The following ZNF717 variants were observed in gnomAD, a reference collection of about 807,000 sequenced individuals.
ZNF717 encodes the protein zinc finger protein 717.
A neutral mutation model predicts 13.8 loss-of-function variants in ZNF717; 9 were observed. That is an observed-to-expected ratio of 0.65 (90% CI 0.39 to 1.14). ZNF717 has a LOEUF of 1.14. Among genes scored for constraint, ZNF717 ranks in the 50% most tolerant of loss-of-function variants. The pLI is 0.01. For synonymous variants in ZNF717, 327 were observed against 364.1 expected (o/e 0.90, Z 1.16); for missense variants, 1,040 against 1,080.7 (o/e 0.96, Z 0.53).
intron 6 of ZNF717, among the ~76,000 whole-genome samples, chr3:75,695,548 G>C (rs1280459168): frequency 9.9e-5 from 15 of 152,228 alleles, no homozygotes; most frequent in African/African-American, 3.6e-4. Context: ...TCAGCACATG[G>C]GTTATTCTCA....
At position 75,737,730 on chromosome 3, in the gene ZNF717, C is replaced by T. The variant is rs533309906; in HGVS notation, c.1893G>A (p.Lys631=). The part of the protein sequence containing the change: ...CNECGKTFRQ[K]SNLSTHQGTH... ...TTCCCTGATGGGTGCTGAGATTTGACTTCTGACGAAAGGTTTTTCCACATT... is the reference window on the plus strand; with the variant it reads ...TTCCCTGATGGGTGCTGAGATTTGATTTCTGACGAAAGGTTTTTCCACATT... Residue 631 remains lysine, a synonymous_variant, in exon 5 of 5, where the codon AAG becomes AAA. Transcript: ENST00000652011. 3 of 1,546,402 alleles carry T rather than the reference C, an allele frequency of 1.9e-6. No individual in the cohort carries two copies. Among genetic ancestry groups the T allele is most frequent in the East Asian group, 2.5e-5 (1 of 40,672 alleles).
At chr3:75,779,574 C>G (rs542137434) in intron 2 of ZNF717, among the ~76,000 whole-genome samples, 126 of 135,478 alleles carry the variant, frequency 9.3e-4, no homozygotes, top group African/African-American at 3.4e-3. Flanking sequence ...ACGGGAGTGA[C>G]GTGCTAAAAC....
At position 75,738,643 on chromosome 3, in the gene ZNF717, A is replaced by C. The variant is rs75467043; in HGVS notation, c.980T>G (p.Ile327Ser). ...CCCTGTGTGAATTCTCTGATGGATA[A>C]TGAGGCTGGACTTATAGCTGAACAA... ...EKLFSYKSSL[I>S]IHQRIHTGEK... Residue 327 changes from isoleucine to serine, a missense_variant, in exon 5 of 5, where the codon ATT becomes AGT. Ile to Ser is a moderately radical substitution (Grantham distance 142, BLOSUM62 -2). Around this residue, in one of 3 missense-constraint regions of ZNF717, gnomAD observed 873 missense variants for 832.8 expected, o/e 1.05. Transcript: ENST00000652011. 2 of 925,694 alleles carry C rather than the reference A, an allele frequency of 2.2e-6. No homozygotes were observed. The highest frequency in any genetic ancestry group is 6.3e-5 in the Admixed American group (2 of 31,800). The allele number at this position is 925,694 out of a possible 1,614,324, so 57.3% of individuals were successfully genotyped here. A position where few individuals can be genotyped will look rare whatever the true frequency, so the allele number is the denominator to read the frequency against.
chr3:75,713,247 CTCAAGCAA>C (rs1937981274), intron 5 of ZNF717, among the ~76,000 whole-genome samples: 2 of 152,074 alleles, frequency 1.3e-5, no homozygotes, highest in South Asian at 4.1e-4. Context: ...ACCTCCTGGG[CTCAAGCAA>C]TCCTCCCACC....
At chr3:75,780,846 A>G (rs1183169820) in intron 2 of ZNF717, among the ~76,000 whole-genome samples, 2 of 152,272 alleles carry the variant, frequency 1.3e-5, no homozygotes, top group Non-Finnish European at 2.9e-5. Flanking sequence ...AAGGAAACAC[A>G]TAAATCCTAG....
chr3:75,720,529 G>A (rs1477582669), intron 4 of ZNF717, among the ~76,000 whole-genome samples: 347 of 152,236 alleles, frequency 2.3e-3, no homozygotes, highest in Non-Finnish European at 4.2e-3. Context: ...CTTCCTATTA[G>A]GTACTATGTT....
intron 2 of ZNF717, among the ~76,000 whole-genome samples, chr3:75,773,965 C>G (rs921685926): frequency 3.9e-5 from 6 of 152,124 alleles, no homozygotes; most frequent in African/African-American, 1.4e-4. Context: ...AGGAGAATCT[C>G]TTGAACCCAG....
chr3:75,699,548 C>T (rs796746238), intron 6 of ZNF717, among the ~76,000 whole-genome samples: 18 of 152,018 alleles, frequency 1.2e-4, no homozygotes, highest in African/African-American at 4.4e-4. Flanking sequence ...GTGTGTGTAG[C>T]ACCTCCCCCC....
chr3:75,699,278 G>A, intron 6 of ZNF717, among the ~76,000 whole-genome samples: 1 of 152,308 alleles, frequency 6.6e-6, no homozygotes, highest in Non-Finnish European at 1.5e-5. Flanking sequence ...TTAAGACTTT[G>A]GGGATTATTG....
intron 2 of ZNF717, among the ~76,000 whole-genome samples, chr3:75,753,278 C>A (rs113012405): frequency 5.3e-3 from 415 of 77,836 alleles, no homozygotes; most frequent in South Asian, 0.011. Flanking sequence ...ACATAACATT[C>A]CAGCACACTG....
intron 6 of ZNF717, among the ~76,000 whole-genome samples, chr3:75,701,411 C>T (rs1484491048): frequency 2.6e-4 from 40 of 151,006 alleles, no homozygotes; most frequent in Admixed American, 8.8e-4. Flanking sequence ...TGGCTCACGC[C>T]TGTAATCTCA....
At chr3:75,698,221 C>T (rs1937626480) in intron 6 of ZNF717, among the ~76,000 whole-genome samples, 1 of 152,304 alleles carries the variant, frequency 6.6e-6, no homozygotes, top group Non-Finnish European at 1.5e-5. Context: ...AACTTTGCAG[C>T]CTAGTCATGT....
chr3:75,747,478 C>A (rs3009095), intron 2 of ZNF717, among the ~76,000 whole-genome samples: 112,395 of 151,994 alleles, frequency 0.74, 42,040 homozygotes, highest in East Asian at 0.8. Flanking sequence ...AATATTGATT[C>A]TTCCTATCCA....
chr3:75,738,211 C>A lies in ZNF717; in HGVS notation c.1412G>T (p.Arg471Ile), dbSNP rs111315075. 7,114 of 1,553,078 alleles carry A rather than the reference C, an allele frequency of 4.6e-3. 136 individuals carry two copies. In the African/African-American group the frequency reaches 0.079, roughly 17 times the overall value. Residue 471 changes from arginine (R) to isoleucine (I), a missense_variant, in exon 5 of 5, where the codon AGA (arginine) becomes ATA (isoleucine). Transcript: ENST00000652011. ...INKSNLRLHQ[R>I]THTGEKPYEC... The stretch of plus-strand genomic sequence containing the variant: ...ATAGGGTTTTTCCCCTGTGTGAGTT[C>A]TCTGATGTAACCTGAGGTTTGACTT...
chr3:75,727,072 A>C (rs1264947723), downstream of ZNF717, among the ~76,000 whole-genome samples: 1 of 152,266 alleles, frequency 6.6e-6, no homozygotes, highest in African/African-American at 2.4e-5. Context: ...TAAATTGTGA[A>C]GATTTCATGG....
At chr3:75,768,602 G>C (rs1233436602) in intron 2 of ZNF717, among the ~76,000 whole-genome samples, 2 of 143,780 alleles carry the variant, frequency 1.4e-5, no homozygotes, top group African/African-American at 5.2e-5. Flanking sequence ...CTGAGTGTGG[G>C]AGGGGGGTAG....
At chr3:75,779,746 T>A (rs1230086916) in intron 2 of ZNF717, among the ~76,000 whole-genome samples, 32 of 94,340 alleles carry the variant, frequency 3.4e-4, no homozygotes, top group Middle Eastern at 0.011. Flanking sequence ...CATGGGAGTG[T>A]CGTGCTAAAC....
downstream of ZNF717, among the ~76,000 whole-genome samples, chr3:75,728,323 C>T (rs1165753708): frequency 6.6e-6 from 1 of 152,174 alleles, no homozygotes; most frequent in Non-Finnish European, 1.5e-5. Flanking sequence ...GGTTTATTTG[C>T]CAACGTTAAG....
At chr3:75,758,196 C>A (rs1276789856) in intron 2 of ZNF717, among the ~76,000 whole-genome samples, 1 of 149,154 alleles carries the variant, frequency 6.7e-6, no homozygotes, top group Non-Finnish European at 1.5e-5. Context: ...GAGGGGTTCA[C>A]GACTTCTGTG....
Sources: gnomAD v4.1 joint callset for allele counts (sites outside exome capture counted in the v4.1 genomes callset) on GRCh38, gnomAD v4.1.1 for gene constraint, gnomAD v4.1.1 regional missense constraint, MANE v1.5 for transcripts, NCBI Gene and HGNC (gene_info 2026-07-23, HGNC 2026-07-21) for gene names.